The following PRMT7 variants were observed in gnomAD, a reference collection of about 807,000 sequenced individuals.
PRMT7 encodes the protein protein arginine methyltransferase 7.
PRMT7 carries 75 observed loss-of-function variants against 85.4 expected under a neutral mutation model. That is an observed-to-expected ratio of 0.88 (90% CI 0.73 to 1.06). The LOEUF is 1.06. Among genes scored for constraint, PRMT7 ranks in the 50% least tolerant of loss-of-function variants. PRMT7 has a pLI of 0.00. For missense variants in PRMT7, 868 were observed against 915.2 expected (o/e 0.95, Z 0.67); for synonymous variants, 397 against 359.5 (o/e 1.10, Z -1.18).
chr16:68,360,239 CAGAA>C (rs1432131952), downstream of PRMT7: 2 of 152,430 alleles, frequency 1.3e-5, no homozygotes, highest in African/African-American at 4.8e-5. Context: ...AGAGGATTGG[CAGAA>C]AGAAGAGGAT....
In PRMT7 at chr16:68,357,186, A is replaced by T; in HGVS notation, c.2041A>T (p.Ile681Phe). Residue 681 changes from isoleucine (I) to phenylalanine (F), a missense_variant, in exon 19 of 19, where the codon ATC becomes TTC. Transcript: ENST00000441236. Reference sequence around the variant, plus strand: ...GGAGTTTCACCCCGACACAGGCGACATCATCATGGAGTTCAGGCATGCAGA... The same window carrying T: ...GGAGTTTCACCCCGACACAGGCGACTTCATCATGGAGTTCAGGCATGCAGA... ...AVEFHPDTGD[I>F]IMEFRHADTP... The T allele has an allele frequency of 6.2e-7, 1 of 1,613,938 alleles. No homozygotes were observed.
chr16:68,345,946 C>T, intron 10 of PRMT7, 144 bp downstream of exon 10: 5 of 1,371,450 alleles, frequency 3.6e-6, no homozygotes, highest in Non-Finnish European at 4.0e-6. Context: ...ACCAGTGTGT[C>T]AGTGCCCATT....
intron 9 of PRMT7, among the ~76,000 whole-genome samples, chr16:68,344,092 T>C (rs2085949317): frequency 6.6e-6 from 1 of 152,228 alleles, no homozygotes; most frequent in African/African-American, 2.4e-5. Flanking sequence ...CTCAGCCTCC[T>C]GAGTAGCTGG....
chr16:68,317,683 C>T (rs1272085331), intron 3 of PRMT7, among the ~76,000 whole-genome samples: 2 of 151,760 alleles, frequency 1.3e-5, no homozygotes, highest in Non-Finnish European at 2.9e-5. Context: ...CAAAATTAGC[C>T]AGGTGTGGTG....
intron 9 of PRMT7, among the ~76,000 whole-genome samples, chr16:68,341,570 TG>T (rs2151761710): frequency 1.3e-5 from 2 of 152,238 alleles, no homozygotes; most frequent in South Asian, 4.1e-4. Context: ...CCACCATGCC[TG>T]GCTAATTTTG....
intron 13 of PRMT7, 142 bp from the exon 14 acceptor site, chr16:68,348,200 T>G (rs1242309364): frequency 1.4e-6 from 1 of 698,110 alleles, no homozygotes. Context: ...AGAGGATTTT[T>G]CCACAAAGCA....
intron 6 of PRMT7, among the ~76,000 whole-genome samples, chr16:68,331,086 C>G (rs77439732): frequency 0.023 from 3,455 of 152,248 alleles, 154 homozygotes; most frequent in African/African-American, 0.078. Context: ...CAAAGAGATT[C>G]CTCATAACCC....
intron 15 of PRMT7, 179 bp from the exon 16 acceptor site, chr16:68,353,313 C>G: frequency 7.4e-7 from 1 of 1,359,084 alleles, no homozygotes; most frequent in Non-Finnish European, 9.6e-7. Flanking sequence ...CTTGCAGGTT[C>G]CCGCCCAGCC....
chr16:68,338,956 G>A (rs1399905409), intron 7 of PRMT7, among the ~76,000 whole-genome samples: 1 of 152,132 alleles, frequency 6.6e-6, no homozygotes, highest in Non-Finnish European at 1.5e-5. Flanking sequence ...TGGTCCACAG[G>A]GCTTTGCCAC....
At chr16:68,317,917 T>C (rs1399267314) in intron 3 of PRMT7, among the ~76,000 whole-genome samples, 1 of 151,430 alleles carries the variant, frequency 6.6e-6, no homozygotes, top group Non-Finnish European at 1.5e-5. Context: ...TGGAGTGTGG[T>C]ACAAAAGTAC....
intron 9 of PRMT7, among the ~76,000 whole-genome samples, chr16:68,345,357 A>G (rs1449653161): frequency 2.0e-5 from 3 of 152,174 alleles, no homozygotes; most frequent in Admixed American, 6.5e-5. Flanking sequence ...GCACAGCTCT[A>G]CGTGTTGAAG....
Position 68,357,691 on chromosome 16 carries a change from TGTGG to T in PRMT7, c.*468_*471del. 1 of 19,918 alleles carries T rather than the reference TGTGG, an allele frequency of 5.0e-5. No homozygotes were observed. Among genetic ancestry groups the T allele is most frequent in the Non-Finnish European group, 8.5e-5 (1 of 11,700 alleles). The allele number at this position is 19,918 out of a possible 1,614,324, so 1.2% of individuals were successfully genotyped here. A position where few individuals can be genotyped will look rare whatever the true frequency, so the allele number is the denominator to read the frequency against. ...TGCTAGGAGGGTGGAGATGCTGAGTTGTGGCTGGGTCTCTGGGGCTTGAAGACCC... is the reference window on the plus strand; with the variant it reads ...TGCTAGGAGGGTGGAGATGCTGAGTTCTGGGTCTCTGGGGCTTGAAGACCC... On this transcript the variant is annotated 3_prime_UTR_variant, in exon 19 of 19. Transcript: ENST00000441236.
chr16:68,334,497 T>A (rs1181928836), intron 6 of PRMT7, among the ~76,000 whole-genome samples: 2 of 152,290 alleles, frequency 1.3e-5, no homozygotes, highest in East Asian at 3.9e-4. Flanking sequence ...TTCTTTCTGC[T>A]CCAGATGTAT....
chr16:68,340,083 C>G, intron 9 of PRMT7, 115 bp downstream of exon 9: 1 of 1,187,468 alleles, frequency 8.4e-7, no homozygotes, highest in Non-Finnish European at 1.2e-6. Context: ...AGGGCTGTGT[C>G]AGAATCAAAG....
chr16:68,320,256 C>A (rs539350638), intron 3 of PRMT7, among the ~76,000 whole-genome samples: 1 of 152,170 alleles, frequency 6.6e-6, no homozygotes, highest in Admixed American at 6.5e-5. Context: ...GAGACCAGCT[C>A]GGTCGTGGAG....
At chr16:68,335,710 G>C (rs986393288) in intron 6 of PRMT7, among the ~76,000 whole-genome samples, 1 of 151,880 alleles carries the variant, frequency 6.6e-6, no homozygotes, top group South Asian at 2.1e-4. Flanking sequence ...GTGAGATCCA[G>C]GCCAGGCTCC....
chr16:68,321,624 C>CT, intron 4 of PRMT7, 162 bp downstream of exon 4: 1 of 605,226 alleles, frequency 1.7e-6, no homozygotes, highest in Non-Finnish European at 2.9e-6. Flanking sequence ...ACTTCTGGCT[C>CT]TATTTTTGTT....
In PRMT7 at chr16:68,347,647, G is replaced by A; in HGVS notation, c.1292G>A (p.Ser431Asn). 1 of 1,613,978 alleles carries A rather than the reference G, an allele frequency of 6.2e-7. No homozygotes were observed. The highest frequency in any genetic ancestry group is 2.2e-5 in the East Asian group (1 of 44,886). Residue 431 changes from serine to asparagine, a missense_variant, in exon 13 of 19, where the codon AGT becomes AAT. Ser to Asn is a conservative substitution (Grantham distance 46). Transcript: ENST00000441236. ...TCCCTCTAGGTGTTTACAGTCGAGA[G>A]TTCAGCAGCTTCTCACAAACTGTTG... ...LGVEQVFTVE[S>N]SAASHKLLRK...
chr16:68,319,114 C>G (rs541823590), intron 3 of PRMT7: 1 of 152,096 alleles, frequency 6.6e-6, no homozygotes, highest in Non-Finnish European at 1.5e-5. Context: ...GGGAGGGGAA[C>G]ACGATGGAGA....
Sources: allele counts gnomAD v4.1 joint callset (sites outside exome capture counted in the v4.1 genomes callset), GRCh38; gene constraint gnomAD v4.1.1; transcripts MANE v1.5; gene names NCBI Gene and HGNC (gene_info 2026-07-23, HGNC 2026-07-21).